PCDH15: variants seen among roughly 807,000 people sequenced by gnomAD.
PCDH15 encodes protocadherin related 15.
Under a neutral mutation model 178.5 loss-of-function variants are expected in PCDH15, and 129 were observed. The observed-to-expected ratio is 0.72, with a 90% confidence interval of 0.63 to 0.84. PCDH15 has a LOEUF of 0.84. Ranked by LOEUF, PCDH15 falls within the 40% of genes least tolerant of loss-of-function variation. PCDH15 has a pLI of 0.00. For missense variants in PCDH15, 2,230 were observed against 2,099.9 expected (o/e 1.06, Z -1.21); for synonymous variants, 800 against 732.0 (o/e 1.09, Z -1.50).
intron 2 of PCDH15, among the ~76,000 whole-genome samples, chr10:55,349,521 G>T (rs987208565): frequency 6.6e-6 from 1 of 151,940 alleles, no homozygotes; most frequent in Non-Finnish European, 1.5e-5. Context: ...TACATCAATA[G>T]ATTTTGGATA....
chr10:54,864,565 T>C (rs774240543), intron 3 of PCDH15: 4 of 152,192 alleles, frequency 2.6e-5, no homozygotes, highest in South Asian at 4.1e-4. Context: ...ACATTTATTA[T>C]ATAATATTGT....
At chr10:54,545,577 A>G (rs1218878838) in intron 2 of PCDH15, among the ~76,000 whole-genome samples, 1 of 152,098 alleles carries the variant, frequency 6.6e-6, no homozygotes, top group Non-Finnish European at 1.5e-5. Flanking sequence ...GAGGGAAGGA[A>G]GGAAGGAAGA....
intron 1 of PCDH15, among the ~76,000 whole-genome samples, chr10:54,761,231 C>A (rs1947836016): frequency 6.6e-6 from 1 of 152,136 alleles, no homozygotes; most frequent in African/African-American, 2.4e-5. Flanking sequence ...TTATTTCAGG[C>A]ACTTCCAGTC....
chr10:53,930,798 A>G (rs1589477742), intron 25 of PCDH15, among the ~76,000 whole-genome samples: 1 of 152,118 alleles, frequency 6.6e-6, no homozygotes, highest in East Asian at 1.9e-4. Flanking sequence ...AGGGAGATGG[A>G]TTTGAAACTG....
At chr10:53,926,089 C>A (rs1172631426) in intron 25 of PCDH15, among the ~76,000 whole-genome samples, 1 of 152,098 alleles carries the variant, frequency 6.6e-6, no homozygotes, top group Non-Finnish European at 1.5e-5. Context: ...TCTTTATAAC[C>A]AGTCATCAAG....
chr10:54,269,602 G>T (rs1378982427), intron 8 of PCDH15, among the ~76,000 whole-genome samples: 1 of 151,776 alleles, frequency 6.6e-6, no homozygotes, highest in African/African-American at 2.4e-5. Context: ...ATACTCTCAG[G>T]TGTTAACTCA....
chr10:54,542,773 G>A (rs2085391705), intron 2 of PCDH15, among the ~76,000 whole-genome samples: 1 of 152,132 alleles, frequency 6.6e-6, no homozygotes, highest in Non-Finnish European at 1.5e-5. Context: ...AGTGCTGAGT[G>A]GAGAAGGGCG....
chr10:54,742,026 G>A (rs1404223791), intron 1 of PCDH15, among the ~76,000 whole-genome samples: 1 of 152,024 alleles, frequency 6.6e-6, no homozygotes, highest in Non-Finnish European at 1.5e-5. Flanking sequence ...TAAATTTGAG[G>A]TGATGGGATG....
intron 2 of PCDH15, among the ~76,000 whole-genome samples, chr10:55,334,327 G>A (rs1298032069): frequency 1.1e-4 from 15 of 133,152 alleles, no homozygotes; most frequent in Middle Eastern, 4.1e-3. Context: ...TTTTTTTTGA[G>A]ACAGAGTTTC....
At chr10:54,196,389 G>A (rs943937627) in intron 10 of PCDH15, among the ~76,000 whole-genome samples, 1 of 152,126 alleles carries the variant, frequency 6.6e-6, no homozygotes, top group Non-Finnish European at 1.5e-5. Context: ...TGATCCGCCC[G>A]CCTCAGCCTC....
At chr10:55,188,452 G>C (rs1839856853) in intron 1 of PCDH15, among the ~76,000 whole-genome samples, 1 of 151,868 alleles carries the variant, frequency 6.6e-6, no homozygotes, top group African/African-American at 2.4e-5. Flanking sequence ...AGGAGTGGCA[G>C]ATGTATTTTG....
chr10:55,597,295 C>T (rs1842956903), intron 2 of PCDH15: 1 of 152,230 alleles, frequency 6.6e-6, no homozygotes, highest in South Asian at 2.1e-4. Context: ...CGTACGTTCA[C>T]GCAGATACGT....
At chr10:54,367,112 T>C (rs1289039875) in intron 5 of PCDH15, among the ~76,000 whole-genome samples, 1 of 152,038 alleles carries the variant, frequency 6.6e-6, no homozygotes, top group East Asian at 1.9e-4. Context: ...GGGAGGATCT[T>C]ATTCTAGGCA....
intron 20 of PCDH15, among the ~76,000 whole-genome samples, chr10:54,001,499 C>A (rs1298978275): frequency 6.6e-6 from 1 of 151,922 alleles, no homozygotes; most frequent in Non-Finnish European, 1.5e-5. Flanking sequence ...GTGTTGTTAT[C>A]AGCTTAAATA....
chr10:54,589,088 T>G (rs2091706792), intron 2 of PCDH15, among the ~76,000 whole-genome samples: 1 of 152,146 alleles, frequency 6.6e-6, no homozygotes, highest in Admixed American at 6.6e-5. Flanking sequence ...CTGACATGAT[T>G]TTATAAAAAA....
chr10:53,835,151 A>T (rs763848749), intron 29 of PCDH15, among the ~76,000 whole-genome samples: 1 of 152,166 alleles, frequency 6.6e-6, no homozygotes, highest in African/African-American at 2.4e-5. Flanking sequence ...ATTTATATGT[A>T]TAGTTTTTTA....
At chr10:53,815,686 GTTTTTA>G (rs1271641334) in intron 35 of PCDH15, among the ~76,000 whole-genome samples, 1 of 151,720 alleles carries the variant, frequency 6.6e-6, no homozygotes, top group Non-Finnish European at 1.5e-5. Context: ...GGATGTCTGT[GTTTTTA>G]TTTTTAATTA....
chr10:53,886,592 CCTCTTTTT>C (rs2081112930), intron 26 of PCDH15, among the ~76,000 whole-genome samples: 6 of 122,342 alleles, frequency 4.9e-5, no homozygotes, highest in Non-Finnish European at 7.9e-5. Flanking sequence ...CACATGTATG[CCTCTTTTT>C]TTTTTTTTTT....
At chr10:53,978,652 A>G (rs1288206153) in intron 21 of PCDH15, among the ~76,000 whole-genome samples, 1 of 108,808 alleles carries the variant, frequency 9.2e-6, no homozygotes, top group Non-Finnish European at 1.9e-5. Flanking sequence ...TCCTCTCCAG[A>G]AAATGTTTTT....
Sources: gnomAD v4.1 joint callset for allele counts (sites outside exome capture counted in the v4.1 genomes callset) on GRCh38, gnomAD v4.1.1 for gene constraint, MANE v1.5 for transcripts, NCBI Gene and HGNC (gene_info 2026-07-23, HGNC 2026-07-21) for gene names.